Variants in SEPTIN7 observed in about 807,000 individuals in gnomAD.
SEPTIN7 encodes septin 7, also known as septin-7.
In SEPTIN7, 10 loss-of-function variants were observed where a neutral mutation model predicts 63.3. That is an observed-to-expected ratio of 0.16 (90% CI 0.10 to 0.27). SEPTIN7 has a LOEUF of 0.27. SEPTIN7 is among the 10% of genes least tolerant of loss of function. The pLI is 1.00. For missense variants in SEPTIN7, 310 were observed against 521.0 expected, an observed-to-expected ratio of 0.59 and a Z score of 3.94; for synonymous variants, 131 against 165.3, an observed-to-expected ratio of 0.79 and a Z score of 1.59.
At chr7:35,856,360 T>C (rs985016140) in intron 3 of SEPTIN7, among the ~76,000 whole-genome samples, 1 of 152,208 alleles carries the variant, frequency 6.6e-6, no homozygotes, top group Non-Finnish European at 1.5e-5. Context: ...TATACCACAG[T>C]GTATTTATCC....
At chr7:35,839,232 GAAA>G (rs1303507855) in intron 3 of SEPTIN7, among the ~76,000 whole-genome samples, 1 of 151,846 alleles carries the variant, frequency 6.6e-6, no homozygotes, top group Non-Finnish European at 1.5e-5. Flanking sequence ...ACTAAAAAGA[GAAA>G]AAAAGGAAAA....
intron 1 of SEPTIN7, among the ~76,000 whole-genome samples, chr7:35,823,664 A>G (rs757582589): frequency 3.3e-5 from 5 of 152,104 alleles, no homozygotes; most frequent in Non-Finnish European, 5.9e-5. Flanking sequence ...AGCCAATTTT[A>G]TTGTACTCAA....
At chr7:35,870,701 T>C (rs1786089164) in intron 4 of SEPTIN7, among the ~76,000 whole-genome samples, 1 of 151,378 alleles carries the variant, frequency 6.6e-6, no homozygotes, top group African/African-American at 2.4e-5. Context: ...CCATTAAACA[T>C]TTTTTTTGGC....
At chr7:35,870,863 C>T (rs903034091) in intron 4 of SEPTIN7, among the ~76,000 whole-genome samples, 2 of 150,304 alleles carry the variant, frequency 1.3e-5, no homozygotes, top group African/African-American at 2.4e-5. Flanking sequence ...CTTTGGTTCT[C>T]ATGATCTCAC....
chr7:35,806,146 G>T (rs1788327497), intron 1 of SEPTIN7, among the ~76,000 whole-genome samples: 1 of 152,218 alleles, frequency 6.6e-6, no homozygotes, highest in South Asian at 2.1e-4. Context: ...ACTGCACTAG[G>T]TGATGGAGAG....
intron 9 of SEPTIN7, 132 bp from the exon 10 acceptor site, chr7:35,885,696 T>C: frequency 1.4e-6 from 1 of 704,108 alleles, no homozygotes; most frequent in East Asian, 2.7e-5. Context: ...ATGTTAGTGT[T>C]AAATCTCAAA....
chr7:35,854,241 G>T (rs1785092664), intron 3 of SEPTIN7, among the ~76,000 whole-genome samples: 1 of 152,194 alleles, frequency 6.6e-6, no homozygotes, highest in South Asian at 2.1e-4. Flanking sequence ...TATTATAAAG[G>T]TTAACTAAGT....
At chr7:35,877,001 C>A (rs1297904482) in intron 6 of SEPTIN7, among the ~76,000 whole-genome samples, 1 of 151,866 alleles carries the variant, frequency 6.6e-6, no homozygotes, top group Non-Finnish European at 1.5e-5. Context: ...TGGGGGTGCA[C>A]TCTGTAGTCC....
chr7:35,848,299 G>C (rs1172600582), intron 3 of SEPTIN7, among the ~76,000 whole-genome samples: 5 of 151,810 alleles, frequency 3.3e-5, no homozygotes, highest in Non-Finnish European at 7.4e-5. Context: ...ATGGAGTCTC[G>C]CTCTGTCGCC....
intron 1 of SEPTIN7, among the ~76,000 whole-genome samples, chr7:35,816,263 C>G (rs1176748235): frequency 1.3e-5 from 2 of 152,102 alleles, no homozygotes; most frequent in African/African-American, 4.8e-5. Context: ...TCCTGGCAAC[C>G]ACTAATTTAC....
At chr7:35,838,838 A>G (rs1053548592) in intron 3 of SEPTIN7, among the ~76,000 whole-genome samples, 5 of 152,188 alleles carry the variant, frequency 3.3e-5, no homozygotes, top group African/African-American at 1.2e-4. Context: ...CTAAGTTGTG[A>G]GGCAGGAATC....
intron 6 of SEPTIN7, among the ~76,000 whole-genome samples, chr7:35,874,611 A>G (rs555491991): frequency 5.9e-5 from 9 of 152,266 alleles, no homozygotes; most frequent in Middle Eastern, 3.4e-3. Flanking sequence ...CTCACATTAC[A>G]GTAGTGTAAA....
At chr7:35,806,582 A>G (rs1788354461) in intron 1 of SEPTIN7, among the ~76,000 whole-genome samples, 2 of 152,212 alleles carry the variant, frequency 1.3e-5, no homozygotes, top group Non-Finnish European at 2.9e-5. Context: ...TTAAGTATTT[A>G]GTTCAATGAA....
At position 35,831,512 on chromosome 7, in the gene SEPTIN7, A is replaced by G; in HGVS notation, c.66+16A>G. 2 of 453,608 alleles carry G rather than the reference A, an allele frequency of 4.4e-6. No individual in the cohort carries two copies. Among genetic ancestry groups the G allele is most frequent in the Non-Finnish European group, 4.4e-6 (1 of 229,112 alleles). 28.1% of individuals were successfully genotyped at this position (453,608 alleles called of 1,614,324 possible). On this transcript the variant is annotated intron_variant, in intron 2 of 13. Transcript: ENST00000350320. ...CAAAGTAGCTGTGAGTATACTACAT[A>G]ATTTATAGAGTTTTTTTCAGTCTCA... is the stretch of plus-strand genomic sequence containing the variant.
rs904355238 is a variant in SEPTIN7 at position 35,842,772 on chromosome 7, CT to C, written c.169+9878del. 1.6e-3 allele frequency among the ~76,000 whole-genome samples: 246 copies of C among 152,222 alleles called. 2 individuals are homozygous for C. The highest frequency in any genetic ancestry group is 5.8e-3 in the African/African-American group (239 of 41,554). ...CAAAAGTTACAAGTACAGTACATAA[CT>C]TTTTTCCTAGGATATTTGAGATGGA... is the stretch of plus-strand genomic sequence containing the variant. On this transcript the variant is annotated intron_variant, in intron 3 of 13. Coordinates refer to ENST00000350320, the MANE Select transcript of SEPTIN7 (RefSeq NM_001788.6).
At chr7:35,801,052 GC>G, upstream of SEPTIN7, 1 of 497,598 alleles carries the variant, frequency 2.0e-6, no homozygotes, top group Non-Finnish European at 3.4e-6. Context: ...GGAGGAGGGA[GC>G]GGGAGTCGAG....
intron 3 of SEPTIN7, among the ~76,000 whole-genome samples, chr7:35,861,722 G>A (rs1309788730): frequency 6.6e-6 from 1 of 152,108 alleles, no homozygotes; most frequent in Admixed American, 6.5e-5. Context: ...CACCCAATGA[G>A]GTCCCAGTTA....
chr7:35,910,487 T>G (rs1204862995), downstream of SEPTIN7, among the ~76,000 whole-genome samples: 1 of 152,206 alleles, frequency 6.6e-6, no homozygotes. Flanking sequence ...TGGTAAAGCT[T>G]CTTATTCTGG....
intron 1 of SEPTIN7, among the ~76,000 whole-genome samples, chr7:35,819,108 A>C (rs997004487): frequency 5.9e-5 from 9 of 152,010 alleles, no homozygotes; most frequent in African/African-American, 2.2e-4. Flanking sequence ...CCTTCTAAGC[A>C]CTGATTTAGC....
Sources: gnomAD v4.1 joint callset for allele counts (sites outside exome capture counted in the v4.1 genomes callset) on GRCh38, gnomAD v4.1.1 for gene constraint, MANE v1.5 for transcripts, NCBI Gene and HGNC (gene_info 2026-07-23, HGNC 2026-07-21) for gene names.